Variants in ITGB6 observed in about 807,000 individuals in gnomAD.
ITGB6 encodes the protein integrin beta-6.
ITGB6 carries 80 observed loss-of-function variants against 84.5 expected under a neutral mutation model. The observed-to-expected ratio is 0.95, with a 90% confidence interval of 0.79 to 1.14. ITGB6 has a LOEUF of 1.14. ITGB6 is among the 50% of genes most tolerant of loss of function. The pLI is 0.00. For synonymous variants in ITGB6, 383 were observed against 354.9 expected, an observed-to-expected ratio of 1.08 and a Z score of -0.89; for missense variants, 1,006 against 968.0, an observed-to-expected ratio of 1.04 and a Z score of -0.52.
chr2:160,126,719 T>A lies in ITGB6; in HGVS notation c.1661-118A>T. Reference sequence around the variant, plus strand: ...CCGTCATCAAAAGACAAGAAAAAAATGAGAAAAAAAGTATGTGTGTGAGGG... The same window carrying A: ...CCGTCATCAAAAGACAAGAAAAAAAAGAGAAAAAAAGTATGTGTGTGAGGG... On this transcript the variant is annotated intron_variant, in intron 10 of 14. Coordinates refer to ENST00000283249, the MANE Select transcript of ITGB6 (RefSeq NM_000888.5). The A allele has an allele frequency of 1.4e-5, 13 of 949,334 alleles. No individual in the cohort carries two copies. In the Admixed American group the frequency reaches 2.0e-4, roughly 15 times the overall value. 58.8% of individuals were successfully genotyped at this position (949,334 alleles called of 1,614,324 possible).
chr2:160,163,461 G>A (rs62175389), intron 7 of ITGB6, among the ~76,000 whole-genome samples: 32,365 of 151,840 alleles, frequency 0.21, 3,732 homozygotes, highest in Admixed American at 0.34. Context: ...GTGAAACCCC[G>A]TCTCTACTAA....
At chr2:160,193,723 A>G (rs80050558) in intron 4 of ITGB6, among the ~76,000 whole-genome samples, 3,789 of 152,238 alleles carry the variant, frequency 0.025, 145 homozygotes, top group African/African-American at 0.086. Flanking sequence ...TGCCCCAGCA[A>G]CATTCTTGGA....
intron 12 of ITGB6, among the ~76,000 whole-genome samples, chr2:160,117,971 G>T (rs1682859857): frequency 6.6e-6 from 1 of 152,202 alleles, no homozygotes; most frequent in African/African-American, 2.4e-5. Context: ...CCAGGAAGAA[G>T]TTGAATCTCT....
intron 10 of ITGB6, among the ~76,000 whole-genome samples, chr2:160,136,171 C>T (rs1227508692): frequency 1.2e-4 from 18 of 152,056 alleles, no homozygotes; most frequent in African/African-American, 2.9e-4. Flanking sequence ...AAAGGGCTAA[C>T]ATCCAGAATC....
chr2:160,156,438 C>T (rs1358162595), intron 7 of ITGB6, among the ~76,000 whole-genome samples: 1 of 152,154 alleles, frequency 6.6e-6, no homozygotes, highest in African/African-American at 2.4e-5. Flanking sequence ...TCCTCTGAAA[C>T]CCAAGGCTCT....
chr2:160,187,361 C>T (rs1685945041), intron 4 of ITGB6, among the ~76,000 whole-genome samples: 1 of 152,072 alleles, frequency 6.6e-6, no homozygotes, highest in Admixed American at 6.5e-5. Context: ...CAACATGAAA[C>T]ATTCACTGAT....
chr2:160,154,926 G>A (rs1403238250), intron 7 of ITGB6, among the ~76,000 whole-genome samples: 1 of 152,212 alleles, frequency 6.6e-6, no homozygotes, highest in Non-Finnish European at 1.5e-5. Flanking sequence ...GAAGGGGCCT[G>A]GTTGGAGGTG....
chr2:160,133,840 G>C (rs1026468359), intron 10 of ITGB6, among the ~76,000 whole-genome samples: 1 of 151,914 alleles, frequency 6.6e-6, no homozygotes, highest in Non-Finnish European at 1.5e-5. Flanking sequence ...AGACATAAAG[G>C]TGTTCTTTGA....
chr2:160,195,349 CA>C lies in ITGB6; in HGVS notation c.593+19del. ...ACAGAAAATCAGCGCACAAAGATGC[CA>C]AGAGAATCATTTACTTACCTGCAAG... is the stretch of plus-strand genomic sequence containing the variant. On this transcript the variant is annotated intron_variant, in intron 4 of 14. Coordinates refer to ENST00000283249, the MANE Select transcript of ITGB6 (RefSeq NM_000888.5). 3 of 1,613,538 alleles carry C rather than the reference CA, an allele frequency of 1.9e-6. No individual in the cohort carries two copies. Among genetic ancestry groups the C allele is most frequent in the Non-Finnish European group, 2.5e-6 (3 of 1,179,626 alleles).
intron 4 of ITGB6, among the ~76,000 whole-genome samples, chr2:160,190,414 G>A (rs866602721): frequency 1.3e-5 from 2 of 151,862 alleles, no homozygotes; most frequent in African/African-American, 2.4e-5. Context: ...CGAAAACACC[G>A]AAGGCTTGAG....
intron 8 of ITGB6, 69 bp from the exon 9 acceptor site, chr2:160,138,268 G>C: frequency 2.1e-6 from 3 of 1,421,132 alleles, no homozygotes; most frequent in Non-Finnish European, 2.8e-6. Flanking sequence ...AAGAAACCGT[G>C]AATCATGTTC....
At chr2:160,161,986 C>T (rs1161744990) in intron 7 of ITGB6, among the ~76,000 whole-genome samples, 2 of 152,236 alleles carry the variant, frequency 1.3e-5, no homozygotes, top group African/African-American at 4.8e-5. Flanking sequence ...AGAATGAACA[C>T]ATTGCCAGTA....
rs781169363 is a variant in ITGB6 at position 160,195,374 on chromosome 2, AG to A, written c.587del (p.Pro196LeufsTer21). The A allele has an allele frequency of 6.2e-7, 1 of 1,614,140 alleles. No homozygotes were observed. The highest frequency in any genetic ancestry group is 8.5e-7 in the Non-Finnish European group (1 of 1,179,982). On this transcript the variant is annotated frameshift_variant, in exon 4 of 15. Coordinates refer to ENST00000283249, the MANE Select transcript of ITGB6 (RefSeq NM_000888.5). LOFTEE classifies it high-confidence loss of function. Reference sequence around the variant, plus strand: ...CAAGAGAATCATTTACTTACCTGCAAGGGTTGGCAATTTCTTCTGGTGTTGT... The same window carrying A: ...CAAGAGAATCATTTACTTACCTGCAAGGTTGGCAATTTCTTCTGGTGTTGT... ...VKTTPEEIAN[P>X]CSSIPYFCLP...
At chr2:160,141,682 T>C (rs915412710) in intron 8 of ITGB6, among the ~76,000 whole-genome samples, 1 of 152,188 alleles carries the variant, frequency 6.6e-6, no homozygotes, top group Non-Finnish European at 1.5e-5. Context: ...AGCTTAATTG[T>C]ATGACTCGTG....
intron 4 of ITGB6, among the ~76,000 whole-genome samples, chr2:160,177,432 G>T (rs933523993): frequency 4.6e-5 from 7 of 151,898 alleles, no homozygotes; most frequent in Non-Finnish European, 7.4e-5. Flanking sequence ...TTAGCCCGGG[G>T]TGGTGGTGGG....
chr2:160,184,228 C>A (rs996109471), intron 4 of ITGB6, among the ~76,000 whole-genome samples: 1 of 152,048 alleles, frequency 6.6e-6, no homozygotes, highest in Non-Finnish European at 1.5e-5. Flanking sequence ...TAGATGACCA[C>A]TAGCCAGAAT....
intron 12 of ITGB6, among the ~76,000 whole-genome samples, chr2:160,114,751 G>A (rs1202197236): frequency 6.6e-6 from 1 of 152,192 alleles, no homozygotes; most frequent in Non-Finnish European, 1.5e-5. Flanking sequence ...CCCTTTCCTA[G>A]TCAAAGAAAG....
intron 4 of ITGB6, among the ~76,000 whole-genome samples, chr2:160,181,210 A>T (rs34153167): frequency 6.6e-6 from 1 of 152,102 alleles, no homozygotes. Flanking sequence ...TCCCACTCTC[A>T]TGGAGCCCAG....
chr2:160,195,337 G>T (rs779316888), intron 4 of ITGB6, 32 bp downstream of exon 4: 16 of 1,612,652 alleles, frequency 9.9e-6, no homozygotes, highest in Non-Finnish European at 1.4e-5. Context: ...GAAAATCAGC[G>T]CACAAAGATG....
Sources: allele counts gnomAD v4.1 joint callset (sites outside exome capture counted in the v4.1 genomes callset), GRCh38; gene constraint gnomAD v4.1.1; transcripts MANE v1.5; gene names NCBI Gene and HGNC (gene_info 2026-07-23, HGNC 2026-07-21).